ABCA9: variants seen among roughly 807,000 people sequenced by gnomAD.
ABCA9 encodes the protein ATP-binding cassette sub-family A member 9.
ABCA9 carries 183 observed loss-of-function variants against 205.3 expected under a neutral mutation model. That is an observed-to-expected ratio of 0.89 (90% CI 0.79 to 1.01). The LOEUF (loss-of-function observed/expected upper bound fraction) is 1.01. Among genes scored for constraint, ABCA9 ranks in the 50% least tolerant of loss-of-function variants. ABCA9 has a pLI of 0.00. For missense variants in ABCA9, 1,805 were observed against 1,912.4 expected (o/e 0.94, Z 1.05); for synonymous variants, 651 against 683.3 (o/e 0.95, Z 0.74).
rs745352359 is a variant in ABCA9, at chr17:69,016,240, T to C, written c.3039+13A>G. 21 of 1,559,686 alleles carry C rather than the reference T, an allele frequency of 1.3e-5. No individual in the cohort carries two copies. The highest frequency in any genetic ancestry group is 4.2e-5 in the Admixed American group (2 of 47,306). On this transcript the variant is annotated intron_variant, in intron 22 of 38. Coordinates refer to ENST00000340001, the MANE Select transcript of ABCA9 (RefSeq NM_080283.4). Reference sequence around the variant, plus strand: ...ATCATGGCACAGTATAAATGAGATATAATTATACTTACTTCAAAAAATGTG... The same window carrying C: ...ATCATGGCACAGTATAAATGAGATACAATTATACTTACTTCAAAAAATGTG...
At chr17:68,976,568 G>A (rs930872370) in intron 37 of ABCA9, among the ~76,000 whole-genome samples, 3 of 152,162 alleles carry the variant, frequency 2.0e-5, no homozygotes, top group Non-Finnish European at 4.4e-5. Context: ...ATCACCAATG[G>A]CAAGCCCATT....
In ABCA9 at chr17:69,008,226, G is replaced by T; in HGVS notation, c.3157C>A (p.His1053Asn). 1.2e-6 allele frequency: 2 copies of T among 1,612,290 alleles called. No homozygotes were observed. The highest frequency in any genetic ancestry group is 1.7e-6 in the Non-Finnish European group (2 of 1,179,590). The change falls in exon 24 of 39, where the codon CAT (histidine) becomes AAT (asparagine). Residue 1053 changes from histidine to asparagine, a missense_variant. By Grantham distance (68) the His-to-Asn change is moderately conservative (BLOSUM62 1). Coordinates refer to ENST00000340001, the MANE Select transcript of ABCA9 (RefSeq NM_080283.4). ...SSIGDYKKKA[H>N]SQLRISGLYP... is the part of the protein sequence containing the mutation. Reference sequence around the variant, plus strand: ...AGGCCTGAAATCCGTAGCTGGGAATGAGCTTTTTTCTGATAAAGAAATAGA... The same window carrying T: ...AGGCCTGAAATCCGTAGCTGGGAATTAGCTTTTTTCTGATAAAGAAATAGA...
chr17:68,982,830 TC>T (rs1567911566), intron 36 of ABCA9, among the ~76,000 whole-genome samples, 189 bp from the exon 37 acceptor site: 1 of 151,994 alleles, frequency 6.6e-6, no homozygotes, highest in African/African-American at 2.4e-5. Flanking sequence ...CAGATGGAGA[TC>T]CCATCTCCAC....
At chr17:68,992,533 G>A (rs537220419) in intron 27 of ABCA9, 154 of 255,860 alleles carry the variant, frequency 6.0e-4, no homozygotes, top group Admixed American at 2.6e-3. Flanking sequence ...GGAGTCCAGG[G>A]CCAGGAGCGT....
chr17:69,028,037 CAT>C (rs2071047789), intron 12 of ABCA9, among the ~76,000 whole-genome samples: 1 of 152,120 alleles, frequency 6.6e-6, no homozygotes, highest in South Asian at 2.1e-4. Context: ...CTATTTATGA[CAT>C]ATTTAAAACA....
At chr17:68,988,987 AG>A (rs758613948) in intron 31 of ABCA9, 39 bp downstream of exon 31, 3 of 1,218,950 alleles carry the variant, frequency 2.5e-6, no homozygotes, top group Non-Finnish European at 3.6e-6. Context: ...TATTCTTTGT[AG>A]GTAGCACTAA....
intron 6 of ABCA9, among the ~76,000 whole-genome samples, chr17:69,040,005 G>T (rs539750076): frequency 1.1e-3 from 174 of 152,294 alleles, no homozygotes; most frequent in African/African-American, 4.0e-3. Context: ...ACCACAATGA[G>T]ATACCATCTC....
At chr17:68,993,175 T>C (rs2069510867) in intron 26 of ABCA9, 91 bp from the exon 27 acceptor site, 1 of 1,072,152 alleles carries the variant, frequency 9.3e-7, no homozygotes. Context: ...GCCTATTCAA[T>C]GGCCTTACAA....
chr17:69,035,213 T>A, intron 8 of ABCA9, 33 bp downstream of exon 8: 1 of 1,471,630 alleles, frequency 6.8e-7, no homozygotes, highest in Admixed American at 2.3e-5. Context: ...TAGAACGGTT[T>A]GTAAAAAGTG....
intron 1 of ABCA9, among the ~76,000 whole-genome samples, chr17:69,060,647 T>C (rs1471030384): frequency 6.6e-6 from 1 of 152,228 alleles, no homozygotes. Context: ...ATGCTATTTG[T>C]CCAAAAATGT....
intron 19 of ABCA9, among the ~76,000 whole-genome samples, 193 bp downstream of exon 19, chr17:69,020,195 C>T (rs776782000): frequency 1.3e-5 from 2 of 152,020 alleles, no homozygotes; most frequent in Non-Finnish European, 2.9e-5. Flanking sequence ...AAGAACAATC[C>T]CAACCCGTAT....
At chr17:69,075,918 C>T in the ABCA9 span, among the ~76,000 whole-genome samples, 1 of 152,024 alleles carries the variant, frequency 6.6e-6, no homozygotes, top group African/African-American at 2.4e-5. Flanking sequence ...TGTAATTCTT[C>T]TTACAGAGAT....
At chr17:69,002,687 T>C (rs1472179390) in intron 25 of ABCA9, among the ~76,000 whole-genome samples, 2 of 149,282 alleles carry the variant, frequency 1.3e-5, no homozygotes, top group African/African-American at 4.9e-5. Flanking sequence ...ACTTTCTGTC[T>C]CGTTGATCTG....
intron 17 of ABCA9, among the ~76,000 whole-genome samples, chr17:69,022,657 C>T (rs566503547): frequency 3.1e-4 from 47 of 152,198 alleles, no homozygotes; most frequent in African/African-American, 9.6e-4. Context: ...CATGGGCCAC[C>T]GCGCCCAGCC....
At chr17:69,043,107 C>G in intron 6 of ABCA9, 1 of 176,350 alleles carries the variant, frequency 5.7e-6, no homozygotes, top group East Asian at 1.7e-4. Flanking sequence ...GCATTGGATA[C>G]TCATAAAGAG....
intron 27 of ABCA9, 118 bp downstream of exon 27, chr17:68,992,898 T>TGCATGCATGTGCATGTG: frequency 2.5e-5 from 18 of 726,170 alleles, no homozygotes; most frequent in African/African-American, 8.4e-5. Context: ...CATGTGTGTG[T>TGCATGCATGTGCATGTG]TGCTTCAAAT....
At chr17:68,984,024 G>A in intron 35 of ABCA9, 32 bp downstream of exon 35, 1 of 1,613,736 alleles carries the variant, frequency 6.2e-7, no homozygotes, top group East Asian at 2.2e-5. Context: ...ACACAACCTA[G>A]GGGCTGAGCG....
In ABCA9 at chr17:69,049,438, T is replaced by G; in HGVS notation, c.149A>C (p.Asn50Thr). 1.2e-6 allele frequency: 2 copies of G among 1,613,076 alleles called. No homozygotes were observed. The highest frequency in any genetic ancestry group is 1.7e-6 in the Non-Finnish European group (2 of 1,179,446). ...LVLFLYLFFSNLHQVHDTPQM... is the reference protein window; with the variant it reads ...LVLFLYLFFSTLHQVHDTPQM... ...AGGAGTGTCATGAACTTGATGTAAA[T>G]TGGAGAAAAATAGGTACAGAAACAG... is the stretch of plus-strand genomic sequence containing the variant. Residue 50 changes from asparagine to threonine, a missense_variant, in exon 3 of 39, where the codon AAT becomes ACT. Physicochemically the swap from Asn to Thr is moderately conservative, Grantham distance 65. Coordinates refer to ENST00000340001, the MANE Select transcript of ABCA9 (RefSeq NM_080283.4).
chr17:69,000,651 C>T (rs2069827637), intron 25 of ABCA9, among the ~76,000 whole-genome samples: 1 of 149,628 alleles, frequency 6.7e-6, no homozygotes, highest in Non-Finnish European at 1.5e-5. Flanking sequence ...TAGTTTTTTC[C>T]AATTCTGTGA....
Sources: allele counts gnomAD v4.1 joint callset (sites outside exome capture counted in the v4.1 genomes callset), GRCh38; gene constraint gnomAD v4.1.1; transcripts MANE v1.5; gene names NCBI Gene and HGNC (gene_info 2026-07-23, HGNC 2026-07-21).